The following MBTPS1 variants were observed in gnomAD, a reference collection of about 807,000 sequenced individuals.
MBTPS1 encodes membrane bound transcription factor peptidase, site 1.
A neutral mutation model predicts 127.8 loss-of-function variants in MBTPS1; 94 were observed. The ratio of observed to expected loss-of-function variants is 0.74; its 90% CI spans 0.62 to 0.87. The LOEUF (loss-of-function observed/expected upper bound fraction) is 0.87, where lower values mean the gene tolerates loss of function less well. Ranked by LOEUF, MBTPS1 falls within the 40% of genes least tolerant of loss-of-function variation. The pLI is 0.00. For synonymous variants in MBTPS1, 632 were observed against 509.4 expected (o/e 1.24, Z -3.24); for missense variants, 1,636 against 1,353.2 (o/e 1.21, Z -3.28).
intron 18 of MBTPS1, among the ~76,000 whole-genome samples, chr16:84,065,451 T>A (rs534157894): frequency 1.3e-5 from 2 of 152,338 alleles, no homozygotes; most frequent in Non-Finnish European, 2.9e-5. Context: ...GGCATGGGAT[T>A]TCTTATTGCG....
intron 1 of MBTPS1, among the ~76,000 whole-genome samples, chr16:84,103,899 G>A (rs925833119): frequency 1.3e-5 from 2 of 152,064 alleles, no homozygotes; most frequent in African/African-American, 4.8e-5. Flanking sequence ...CATCCACCTC[G>A]ACAAGAACAA....
intron 19 of MBTPS1, 43 bp from the exon 20 acceptor site, chr16:84,060,856 T>C (rs970472502): frequency 1.8e-5 from 27 of 1,519,180 alleles, no homozygotes; most frequent in East Asian, 5.0e-5. Flanking sequence ...TTTTTTTTTT[T>C]CCAGACAGAG....
At chr16:84,068,809 C>T (rs185953803) in intron 14 of MBTPS1, among the ~76,000 whole-genome samples, 37 of 152,362 alleles carry the variant, frequency 2.4e-4, no homozygotes, top group East Asian at 1.9e-3. Flanking sequence ...AGCAAATAGC[C>T]GCGGGAGTGC....
At chr16:84,096,868 G>C (rs148794675) in intron 3 of MBTPS1, among the ~76,000 whole-genome samples, 1 of 152,202 alleles carries the variant, frequency 6.6e-6, no homozygotes, top group Non-Finnish European at 1.5e-5. Context: ...GACCAGGAAT[G>C]GGCCTGCTCT....
At chr16:84,101,312 AAACAAAACAG>A (rs1243881152) in intron 2 of MBTPS1, among the ~76,000 whole-genome samples, 3 of 151,944 alleles carry the variant, frequency 2.0e-5, no homozygotes, top group African/African-American at 4.8e-5. Context: ...AAACAAAACA[AAACAAAACAG>A]AACAAATCAA....
intron 3 of MBTPS1, among the ~76,000 whole-genome samples, chr16:84,097,440 C>G (rs924203037): frequency 8.5e-5 from 13 of 152,190 alleles, no homozygotes; most frequent in African/African-American, 1.7e-4. Flanking sequence ...AAGGTCACAG[C>G]TAACTTCAAG....
At chr16:84,110,856 G>A (rs2086387678) in intron 1 of MBTPS1, 1 of 152,200 alleles carries the variant, frequency 6.6e-6, no homozygotes, top group African/African-American at 2.4e-5. Flanking sequence ...GTATGAATCT[G>A]GAAGCACATA....
chr16:84,095,172 C>G (rs1043338849), intron 4 of MBTPS1, among the ~76,000 whole-genome samples: 4 of 151,914 alleles, frequency 2.6e-5, no homozygotes, highest in Admixed American at 2.6e-4. Flanking sequence ...AAGTGATAAA[C>G]TAATTTCCGT....
In MBTPS1 at chr16:84,054,309, G is replaced by A; in HGVS notation, c.*140C>T. The A allele has an allele frequency of 4.6e-6, 3 of 648,948 alleles. No individual in the cohort carries two copies. Among genetic ancestry groups the A allele is most frequent in the Non-Finnish European group, 7.4e-6 (3 of 407,590 alleles). The allele number at this position is 648,948 out of a possible 1,614,324, so 40.2% of individuals were successfully genotyped here. A position where few individuals can be genotyped will look rare whatever the true frequency, so the allele number is the denominator to read the frequency against. ...AGCCTCTGCCCATCACAGGAGGGCA[G>A]GCCCATGTAGAACAGACTCTAACAA... On this transcript the variant is annotated 3_prime_UTR_variant, in exon 23 of 23. Transcript: ENST00000343411.
intron 11 of MBTPS1, among the ~76,000 whole-genome samples, chr16:84,077,131 G>A (rs554935683): frequency 2.6e-5 from 4 of 151,708 alleles, no homozygotes; most frequent in Non-Finnish European, 4.4e-5. Context: ...AGGCTGAGAC[G>A]GGACAGTCAC....
At chr16:84,113,538 C>A (rs1221056541) in intron 1 of MBTPS1, among the ~76,000 whole-genome samples, 1 of 152,248 alleles carries the variant, frequency 6.6e-6, no homozygotes, top group African/African-American at 2.4e-5. Flanking sequence ...GCGCAAGCAA[C>A]TGGCCTAGCT....
chr16:84,092,493 A>G (rs931139392), intron 6 of MBTPS1, among the ~76,000 whole-genome samples: 7 of 152,222 alleles, frequency 4.6e-5, no homozygotes, highest in Non-Finnish European at 8.8e-5. Flanking sequence ...CATATACACC[A>G]AAGAAATTCT....
At chr16:84,109,699 C>G (rs1424421444) in intron 1 of MBTPS1, 1 of 152,208 alleles carries the variant, frequency 6.6e-6, no homozygotes. Flanking sequence ...AATGACTGAG[C>G]TACTGCCCCA....
At chr16:84,100,270 C>T (rs2086235200) in intron 2 of MBTPS1, among the ~76,000 whole-genome samples, 1 of 152,018 alleles carries the variant, frequency 6.6e-6, no homozygotes, top group African/African-American at 2.4e-5. Flanking sequence ...GCAGGCCGGG[C>T]ACAGTGGCTC....
chr16:84,062,499 C>T (rs532007808), intron 19 of MBTPS1, among the ~76,000 whole-genome samples: 251 of 152,166 alleles, frequency 1.6e-3, no homozygotes, highest in Non-Finnish European at 3.2e-3. Flanking sequence ...CAGCCTGAAA[C>T]GGAGGGGCAC....
In MBTPS1 at chr16:84,081,562, G is replaced by A. The variant is rs1316989932; in HGVS notation, c.1448+185C>T. On this transcript the variant is annotated intron_variant, in intron 11 of 22. Transcript: ENST00000343411. Reference sequence around the variant, plus strand: ...TATATTAAAGATCACATCAGTAAGCGAAAGCAGCTACCAGTTCTGCCAGCA... The same window carrying A: ...TATATTAAAGATCACATCAGTAAGCAAAAGCAGCTACCAGTTCTGCCAGCA... 8.4e-5 allele frequency: 34 copies of A among 404,758 alleles called. No individual in the cohort carries two copies. The East Asian group carries it at 9.3e-4, about 11-fold the overall frequency. 25.1% of individuals were successfully genotyped at this position (404,758 alleles called of 1,614,324 possible).
chr16:84,073,180 T>G (rs745387775), intron 12 of MBTPS1, among the ~76,000 whole-genome samples: 1 of 152,176 alleles, frequency 6.6e-6, no homozygotes, highest in African/African-American at 2.4e-5. Context: ...TGTCACCAGG[T>G]TGGAGTACAG....
rs1341791239 is a variant in MBTPS1 at position 84,109,594 on chromosome 16, A to C, written c.-325+7141T>G. The C allele has an allele frequency of 3.9e-5, 6 of 152,220 alleles. No homozygotes were observed. The East Asian group carries it at 1.2e-3, about 29-fold the overall frequency. 9.4% of individuals were successfully genotyped at this position (152,220 alleles called of 1,614,324 possible). On this transcript the variant is annotated intron_variant, in intron 1 of 22. Coordinates refer to ENST00000343411, the MANE Select transcript of MBTPS1 (RefSeq NM_003791.4). ...ACAAAGATGCACAACCTGAAATCAA[A>C]TCATGAGAAACATCAGACCAACCCA...
intron 2 of MBTPS1, among the ~76,000 whole-genome samples, chr16:84,100,591 G>A (rs543843678): frequency 9.9e-5 from 15 of 152,160 alleles, no homozygotes; most frequent in East Asian, 5.8e-4. Flanking sequence ...AGCTGGGCAC[G>A]GTGGCAGGTG....
Sources: gnomAD v4.1 joint callset for allele counts (sites outside exome capture counted in the v4.1 genomes callset) on GRCh38, gnomAD v4.1.1 for gene constraint, MANE v1.5 for transcripts, NCBI Gene and HGNC (gene_info 2026-07-23, HGNC 2026-07-21) for gene names.